Variants in ELP4 observed in about 807,000 individuals in gnomAD.
ELP4 encodes elongator complex protein 4.
Under a neutral mutation model 48.9 loss-of-function variants are expected in ELP4, and 51 were observed. The ratio of observed to expected loss-of-function variants is 1.04; its 90% CI spans 0.83 to 1.32. The LOEUF (loss-of-function observed/expected upper bound fraction) is 1.32, where lower values mean the gene tolerates loss of function less well. Ranked by LOEUF, ELP4 falls within the 40% of genes most tolerant of loss-of-function variation. The pLI, the probability that ELP4 is intolerant of heterozygous loss-of-function variation, is 0.00. For synonymous variants in ELP4, 210 were observed against 189.2 expected, an observed-to-expected ratio of 1.11 and a Z score of -0.90; for missense variants, 519 against 514.6, an observed-to-expected ratio of 1.01 and a Z score of -0.08.
At chr11:31,640,391 C>G (rs1421829846) in intron 7 of ELP4, among the ~76,000 whole-genome samples, 1 of 151,864 alleles carries the variant, frequency 6.6e-6, no homozygotes, top group Admixed American at 6.6e-5. Context: ...TTACCGTCAT[C>G]AAATGTGAAT....
chr11:31,593,227 C>CTGTTGTTGTTGTTGTTGT (rs61458094), intron 3 of ELP4, among the ~76,000 whole-genome samples: 183 of 150,022 alleles, frequency 1.2e-3, no homozygotes, highest in Middle Eastern at 6.8e-3. Flanking sequence ...GTGAATAATA[C>CTGTTGTTGTTGTTGTTGT]TGTTGTTGTT....
At chr11:31,692,689 T>G (rs1281556827) in intron 9 of ELP4, among the ~76,000 whole-genome samples, 1 of 152,100 alleles carries the variant, frequency 6.6e-6, no homozygotes, top group Non-Finnish European at 1.5e-5. Context: ...TCTACTTAAT[T>G]CCAATTCCTC....
intron 2 of ELP4, among the ~76,000 whole-genome samples, chr11:31,521,953 C>T (rs755175899): frequency 1.1e-4 from 16 of 152,064 alleles, no homozygotes; most frequent in Non-Finnish European, 1.8e-4. Flanking sequence ...CAACTTCTTA[C>T]CAGTCATTTA....
intron 9 of ELP4, among the ~76,000 whole-genome samples, chr11:31,735,036 C>G (rs1947277056): frequency 1.3e-5 from 2 of 151,762 alleles, no homozygotes; most frequent in African/African-American, 4.8e-5. Flanking sequence ...AAAGAATACA[C>G]AGCCCAGAAA....
At chr11:31,609,252 G>C (rs1957931391) in intron 5 of ELP4, among the ~76,000 whole-genome samples, 1 of 152,118 alleles carries the variant, frequency 6.6e-6, no homozygotes, top group Admixed American at 6.5e-5. Context: ...GCGGCTAGTA[G>C]CTGACATTTG....
At chr11:31,759,617 T>G (rs1947902722) in intron 9 of ELP4, among the ~76,000 whole-genome samples, 1 of 152,246 alleles carries the variant, frequency 6.6e-6, no homozygotes, top group Admixed American at 6.5e-5. Context: ...TACTTTTTAT[T>G]AAGGCTTATT....
chr11:31,510,599 C>T, intron 1 of ELP4: 1 of 390,762 alleles, frequency 2.6e-6, no homozygotes, highest in Non-Finnish European at 4.5e-6. Flanking sequence ...TAGATAGTGT[C>T]TGCGTTAAAT....
chr11:31,592,205 C>T (rs905478548), intron 3 of ELP4, among the ~76,000 whole-genome samples: 4 of 152,082 alleles, frequency 2.6e-5, no homozygotes, highest in African/African-American at 9.7e-5. Context: ...AAATTTTTTA[C>T]TTAAAATGTT....
intron 9 of ELP4, among the ~76,000 whole-genome samples, chr11:31,753,626 A>G (rs192282325): frequency 8.2e-4 from 125 of 152,330 alleles, no homozygotes; most frequent in African/African-American, 2.9e-3. Flanking sequence ...AGGAAATTCC[A>G]CTTGTGGATA....
At chr11:31,607,021 G>A (rs143893136) in intron 5 of ELP4, among the ~76,000 whole-genome samples, 304 of 152,176 alleles carry the variant, frequency 2.0e-3, no homozygotes, top group African/African-American at 6.9e-3. Context: ...GATAAGATTC[G>A]TATCTTTATA....
At chr11:31,594,362 T>C (rs541028385) in intron 3 of ELP4, among the ~76,000 whole-genome samples, 1 of 152,224 alleles carries the variant, frequency 6.6e-6, no homozygotes, top group South Asian at 2.1e-4. Context: ...ATTCTAAAAT[T>C]ACAAACCAAT....
chr11:31,647,911 A>AGCCTGC, intron 8 of ELP4, 62 bp downstream of exon 8: 1 of 857,744 alleles, frequency 1.2e-6, no homozygotes, highest in Non-Finnish European at 2.0e-6. Flanking sequence ...ACCTGGAAGC[A>AGCCTGC]TCCTATTCAA....
At chr11:31,559,942 T>G (rs1001233490) in intron 3 of ELP4, among the ~76,000 whole-genome samples, 1 of 151,522 alleles carries the variant, frequency 6.6e-6, no homozygotes, top group Non-Finnish European at 1.5e-5. Context: ...TTTTGTTGTT[T>G]TGTTCTATAA....
chr11:31,545,384 G>A lies in ELP4; in HGVS notation c.381+5601G>A, dbSNP rs546298093. Among the ~76,000 whole-genome samples, 172 of 152,266 alleles carry A rather than the reference G, an allele frequency of 1.1e-3. 5 individuals are homozygous for A. In the South Asian group the frequency reaches 0.034, roughly 30 times the overall value. ...CGATCAACTGGAAGAAAGGGTATCAGCGATGGAAGATGAAATGAATAAAAT... is the reference window on the plus strand; with the variant it reads ...CGATCAACTGGAAGAAAGGGTATCAACGATGGAAGATGAAATGAATAAAAT... On this transcript the variant is annotated intron_variant, in intron 3 of 9. Transcript: ENST00000640961.
intron 9 of ELP4, among the ~76,000 whole-genome samples, chr11:31,777,395 G>A (rs1452296972): frequency 6.6e-6 from 1 of 152,118 alleles, no homozygotes; most frequent in Admixed American, 6.5e-5. Context: ...GGACTAGTGG[G>A]GTCATCAGGT....
At chr11:31,735,271 T>C (rs962228008) in intron 9 of ELP4, among the ~76,000 whole-genome samples, 2 of 151,938 alleles carry the variant, frequency 1.3e-5, no homozygotes, top group East Asian at 3.9e-4. Context: ...TGAAACTGTT[T>C]AAAACACCTA....
At chr11:31,587,456 T>C (rs1001246205) in intron 3 of ELP4, among the ~76,000 whole-genome samples, 1 of 152,140 alleles carries the variant, frequency 6.6e-6, no homozygotes, top group East Asian at 1.9e-4. Context: ...GAAATTGATT[T>C]TGTTGCAAGC....
chr11:31,768,327 C>G (rs564694139), intron 9 of ELP4, among the ~76,000 whole-genome samples: 1 of 152,100 alleles, frequency 6.6e-6, no homozygotes, highest in African/African-American at 2.4e-5. Flanking sequence ...AAGTGAAATA[C>G]ACACTGCCTA....
At chr11:31,585,658 G>A (rs1957459864) in intron 3 of ELP4, among the ~76,000 whole-genome samples, 1 of 152,010 alleles carries the variant, frequency 6.6e-6, no homozygotes, top group African/African-American at 2.4e-5. Flanking sequence ...AAATCACAAA[G>A]ATAAAATGAT....
Sources: allele counts gnomAD v4.1 joint callset (sites outside exome capture counted in the v4.1 genomes callset), GRCh38; gene constraint gnomAD v4.1.1; transcripts MANE v1.5; gene names NCBI Gene and HGNC (gene_info 2026-07-23, HGNC 2026-07-21).